Variants in NLGN1 observed in about 807,000 individuals in gnomAD.
NLGN1 encodes neuroligin 1.
Under a neutral mutation model 65.5 loss-of-function variants are expected in NLGN1, and 12 were observed. The ratio of observed to expected loss-of-function variants is 0.18; its 90% CI spans 0.12 to 0.30. The LOEUF is 0.30. Among genes scored for constraint, NLGN1 ranks in the 10% least tolerant of loss-of-function variants. The probability of loss-of-function intolerance (pLI) is 1.00; values close to 1 mark genes in which losing one functional copy is unlikely to be tolerated. For synonymous variants in NLGN1, 350 were observed against 359.5 expected (o/e 0.97, Z 0.30); for missense variants, 750 against 1,007.1 (o/e 0.74, Z 3.46).
At chr3:173,567,420 T>C (rs1379169072) in intron 2 of NLGN1, among the ~76,000 whole-genome samples, 1 of 151,994 alleles carries the variant, frequency 6.6e-6, no homozygotes, top group Non-Finnish European at 1.5e-5. Flanking sequence ...AAGTCTGTTA[T>C]ACTAGCTTTA....
intron 4 of NLGN1, among the ~76,000 whole-genome samples, chr3:174,197,548 G>A (rs1733689844): frequency 8.1e-6 from 1 of 123,896 alleles, no homozygotes; most frequent in South Asian, 2.5e-4. Context: ...GGAGAATCCA[G>A]TTAGCCTGGC....
chr3:173,456,453 A>G (rs1445967839), intron 2 of NLGN1, among the ~76,000 whole-genome samples: 2 of 152,178 alleles, frequency 1.3e-5, no homozygotes, highest in Non-Finnish European at 2.9e-5. Flanking sequence ...GAGTTTTCTC[A>G]TTAGTAAAGT....
intron 4 of NLGN1, among the ~76,000 whole-genome samples, chr3:174,135,298 A>G (rs1036003530): frequency 6.6e-6 from 1 of 152,176 alleles, no homozygotes; most frequent in African/African-American, 2.4e-5. Flanking sequence ...TGACAAATGA[A>G]ATTGTAAGTA....
In NLGN1 at chr3:173,821,373, G is replaced by C. The variant is rs185134146; in HGVS notation, c.646+13541G>C. Among the ~76,000 whole-genome samples, 47 of 152,170 alleles carry C rather than the reference G, an allele frequency of 3.1e-4. 1 individual carries two copies. Among genetic ancestry groups the C allele is most frequent in the African/African-American group, 1.1e-3 (46 of 41,548 alleles). ...TTTGTGGTAATATCACCATAATTAG[G>C]AGCAATTTTCTGACAGGAATAAGAG... On this transcript the variant is annotated intron_variant, in intron 4 of 6. Transcript: ENST00000457714.
chr3:173,916,301 C>T (rs1453169700), intron 4 of NLGN1, among the ~76,000 whole-genome samples: 2 of 151,972 alleles, frequency 1.3e-5, no homozygotes, highest in African/African-American at 2.4e-5. Context: ...GAGTACAGAG[C>T]CCAAAACACA....
intron 4 of NLGN1, among the ~76,000 whole-genome samples, chr3:174,115,667 A>G (rs541349436): frequency 6.6e-6 from 1 of 152,278 alleles, no homozygotes; most frequent in Admixed American, 6.5e-5. Context: ...TTAGTTATCC[A>G]AAAGACTATG....
intron 4 of NLGN1, among the ~76,000 whole-genome samples, chr3:174,226,237 T>C (rs373935608): frequency 2.0e-5 from 3 of 152,146 alleles, no homozygotes; most frequent in East Asian, 1.9e-4. Flanking sequence ...TGGTTTCTAA[T>C]TGAAGGCATA....
chr3:173,970,373 G>A (rs982149082), intron 4 of NLGN1, among the ~76,000 whole-genome samples: 1 of 152,126 alleles, frequency 6.6e-6, no homozygotes, highest in African/African-American at 2.4e-5. Flanking sequence ...CCATTTAGTT[G>A]TTAATCAGGT....
At chr3:173,923,293 G>C (rs777675869) in intron 4 of NLGN1, among the ~76,000 whole-genome samples, 1 of 151,974 alleles carries the variant, frequency 6.6e-6, no homozygotes, top group Non-Finnish European at 1.5e-5. Flanking sequence ...TGTTTTCTTC[G>C]TAAACTTCTG....
chr3:173,631,244 G>A (rs2149541494), intron 3 of NLGN1, among the ~76,000 whole-genome samples: 1 of 152,276 alleles, frequency 6.6e-6, no homozygotes, highest in African/African-American at 2.4e-5. Flanking sequence ...TTCTAACAAT[G>A]TGGAGAATAC....
chr3:173,574,062 C>CAAAAAAAAAAA (rs1192427397), intron 2 of NLGN1, among the ~76,000 whole-genome samples: 1 of 51,912 alleles, frequency 1.9e-5, no homozygotes, highest in Admixed American at 2.4e-4. Flanking sequence ...GACTCCACCT[C>CAAAAAAAAAAA]AAAAAAAAAA....
chr3:173,471,823 G>T (rs916982903), intron 2 of NLGN1, among the ~76,000 whole-genome samples: 2 of 152,072 alleles, frequency 1.3e-5, no homozygotes, highest in African/African-American at 4.8e-5. Flanking sequence ...TCTAAACTTA[G>T]ATTTATGATA....
At chr3:173,787,938 G>A (rs1396095346) in intron 3 of NLGN1, among the ~76,000 whole-genome samples, 1 of 152,148 alleles carries the variant, frequency 6.6e-6, no homozygotes, top group Non-Finnish European at 1.5e-5. Context: ...CTAGAACATT[G>A]AAGCTGGTGA....
chr3:173,861,866 C>G (rs1257047757), intron 4 of NLGN1, among the ~76,000 whole-genome samples: 1 of 151,642 alleles, frequency 6.6e-6, no homozygotes, highest in African/African-American at 2.4e-5. Flanking sequence ...TCAAGTGATT[C>G]TCATGCCTCA....
rs76264748 is a variant in NLGN1 at position 174,047,533 on chromosome 3, A to G, written c.647-227782A>G. ...AAAGTTGAAAAAATATTTTGAGACA[A>G]TTTCTGTCCTTGGAGATTTTACAGT... On this transcript the variant is annotated intron_variant, in intron 4 of 6. Coordinates refer to ENST00000457714, the Ensembl canonical transcript of NLGN1. Among the ~76,000 whole-genome samples the G allele has an allele frequency of 2.6e-3, 398 of 152,190 alleles. 2 individuals carry two copies. Among genetic ancestry groups the G allele is most frequent in the African/African-American group, 8.9e-3 (371 of 41,564 alleles).
chr3:173,488,707 A>T (rs1415255054), intron 2 of NLGN1, among the ~76,000 whole-genome samples: 1 of 151,846 alleles, frequency 6.6e-6, no homozygotes, highest in East Asian at 1.9e-4. Context: ...CTTTTTCTTG[A>T]TGTGCTGCAC....
chr3:174,224,155 C>A (rs1001962237), intron 4 of NLGN1, among the ~76,000 whole-genome samples: 9 of 152,168 alleles, frequency 5.9e-5, no homozygotes, highest in Non-Finnish European at 1.3e-4. Context: ...CATAGAGCAA[C>A]CACTTTCAGG....
At chr3:173,584,159 T>A (rs1243234240) in intron 2 of NLGN1, among the ~76,000 whole-genome samples, 1 of 151,484 alleles carries the variant, frequency 6.6e-6, no homozygotes, top group African/African-American at 2.4e-5. Flanking sequence ...AGATGCTGTA[T>A]TCAAGTAGTC....
intron 4 of NLGN1, among the ~76,000 whole-genome samples, chr3:173,839,822 A>T (rs1724432083): frequency 6.6e-6 from 1 of 152,224 alleles, no homozygotes; most frequent in Non-Finnish European, 1.5e-5. Flanking sequence ...GGAGTAGGAA[A>T]TTCAAATCAT....
Sources: gnomAD v4.1 joint callset for allele counts (sites outside exome capture counted in the v4.1 genomes callset) on GRCh38, gnomAD v4.1.1 for gene constraint, MANE v1.5 for transcripts, NCBI Gene and HGNC (gene_info 2026-07-23, HGNC 2026-07-21) for gene names.